The following CSGALNACT1 variants were observed in gnomAD, a reference collection of about 807,000 sequenced individuals.
CSGALNACT1 encodes the protein beta4GalNAcT-1.
In CSGALNACT1, 52 loss-of-function variants were observed where a neutral mutation model predicts 51.0. The observed-to-expected ratio is 1.02, with a 90% CI of 0.82 to 1.29. The LOEUF (loss-of-function observed/expected upper bound fraction) is 1.29. Ranked by LOEUF, CSGALNACT1 falls within the 50% of genes most tolerant of loss-of-function variation. The probability of loss-of-function intolerance (pLI) is 0.00; values close to 1 mark genes in which losing one functional copy is unlikely to be tolerated. For synonymous variants in CSGALNACT1, 341 were observed against 254.4 expected (o/e 1.34, Z -3.24); for missense variants, 935 against 679.2 (o/e 1.38, Z -4.19).
chr8:19,545,627 G>C (rs2086282374), intron 3 of CSGALNACT1, among the ~76,000 whole-genome samples: 1 of 151,924 alleles, frequency 6.6e-6, no homozygotes, highest in South Asian at 2.1e-4. Context: ...CAATGAATGA[G>C]TATGCTAAAA....
At chr8:19,485,877 C>T (rs2072802752) in intron 4 of CSGALNACT1, among the ~76,000 whole-genome samples, 1 of 143,962 alleles carries the variant, frequency 6.9e-6, no homozygotes, top group Non-Finnish European at 1.5e-5. Context: ...AGCAAATCTT[C>T]TGCCTCAACT....
intron 7 of CSGALNACT1, among the ~76,000 whole-genome samples, chr8:19,419,970 G>A (rs1284875834): frequency 6.6e-6 from 1 of 152,170 alleles, no homozygotes; most frequent in Non-Finnish European, 1.5e-5. Flanking sequence ...ACTCATGATA[G>A]TAAATAAGTC....
chr8:19,687,281 T>A (rs2061030284), upstream of CSGALNACT1, among the ~76,000 whole-genome samples: 1 of 152,050 alleles, frequency 6.6e-6, no homozygotes, highest in African/African-American at 2.4e-5. Context: ...AATCTCTATC[T>A]ATGATCACTT....
At chr8:19,429,363 T>G (rs749692137) in intron 6 of CSGALNACT1, among the ~76,000 whole-genome samples, 3 of 151,882 alleles carry the variant, frequency 2.0e-5, no homozygotes, top group Non-Finnish European at 4.4e-5. Flanking sequence ...TTTTAGTAGA[T>G]ATGGGGTTTC....
chr8:19,480,548 C>T (rs548356049), intron 4 of CSGALNACT1, among the ~76,000 whole-genome samples: 2 of 152,226 alleles, frequency 1.3e-5, no homozygotes, highest in African/African-American at 4.8e-5. Context: ...TCCATGTCTT[C>T]GCTGTTGTGA....
In CSGALNACT1 at chr8:19,591,621, A is replaced by T. The variant is rs17480440; in HGVS notation, c.-415-343T>A. 3.4e-3 allele frequency among the ~76,000 whole-genome samples: 517 copies of T among 152,320 alleles called. 2 individuals are homozygous for T. The highest frequency in any genetic ancestry group is 4.7e-3 in the Non-Finnish European group (323 of 68,026). On this transcript the variant is annotated intron_variant, in intron 2 of 9. Coordinates refer to ENST00000454498, the Ensembl canonical transcript of CSGALNACT1. ...CATTGTGGACTAGTAATTGACTGAT[A>T]GGGATAAAAAATAAGCATTTAGGCT... is the stretch of plus-strand genomic sequence containing the variant.
At chr8:19,563,873 G>A (rs1485370758) in intron 3 of CSGALNACT1, among the ~76,000 whole-genome samples, 2 of 151,882 alleles carry the variant, frequency 1.3e-5, no homozygotes, top group African/African-American at 4.8e-5. Context: ...CCTCCCCCAG[G>A]CATGTCCTCC....
At chr8:19,517,503 G>T (rs999477761) in intron 3 of CSGALNACT1, among the ~76,000 whole-genome samples, 1 of 152,122 alleles carries the variant, frequency 6.6e-6, no homozygotes, top group Non-Finnish European at 1.5e-5. Context: ...ACTGTGGAAG[G>T]CTCTCCTGCA....
At chr8:19,419,752 A>G (rs1314187251) in intron 7 of CSGALNACT1, among the ~76,000 whole-genome samples, 3 of 152,186 alleles carry the variant, frequency 2.0e-5, no homozygotes, top group African/African-American at 7.2e-5. Flanking sequence ...GGTTATGGAC[A>G]TGAACTTGGG....
At chr8:19,575,006 G>A (rs1053054513) in intron 3 of CSGALNACT1, among the ~76,000 whole-genome samples, 5 of 151,526 alleles carry the variant, frequency 3.3e-5, no homozygotes, top group Middle Eastern at 3.4e-3. Context: ...CTGCACTCCA[G>A]CCTGACAACA....
At chr8:19,619,468 C>T (rs1440204465) in intron 1 of CSGALNACT1, among the ~76,000 whole-genome samples, 1 of 151,968 alleles carries the variant, frequency 6.6e-6, no homozygotes, top group Non-Finnish European at 1.5e-5. Context: ...TTTAAATGCT[C>T]ATTCTGAGTC....
intron 1 of CSGALNACT1, among the ~76,000 whole-genome samples, chr8:19,641,219 T>C (rs2056708433): frequency 6.7e-6 from 1 of 150,284 alleles, no homozygotes; most frequent in Admixed American, 6.7e-5. Context: ...TTCAAGCTTT[T>C]CCAGGTACCA....
intron 1 of CSGALNACT1, among the ~76,000 whole-genome samples, chr8:19,668,073 CAG>C (rs765792382): frequency 6.6e-6 from 1 of 152,070 alleles, no homozygotes; most frequent in Non-Finnish European, 1.5e-5. Flanking sequence ...TTAACTTTTC[CAG>C]AGAGAGAAAT....
chr8:19,606,007 T>C (rs1280197644), upstream of CSGALNACT1, among the ~76,000 whole-genome samples: 1 of 152,202 alleles, frequency 6.6e-6, no homozygotes, highest in Non-Finnish European at 1.5e-5. Flanking sequence ...AAAATATCCA[T>C]CCAGCTGCCT....
intron 1 of CSGALNACT1, among the ~76,000 whole-genome samples, chr8:19,643,824 G>T (rs961472023): frequency 6.6e-6 from 1 of 152,216 alleles, no homozygotes; most frequent in African/African-American, 2.4e-5. Context: ...GCTTCCATCT[G>T]CTGCTGGCTG....
chr8:19,450,356 A>G (rs994273937), intron 5 of CSGALNACT1, among the ~76,000 whole-genome samples: 1 of 152,000 alleles, frequency 6.6e-6, no homozygotes, highest in African/African-American at 2.4e-5. Context: ...GGTTTAAGCC[A>G]ATATGTGACT....
intron 1 of CSGALNACT1, among the ~76,000 whole-genome samples, chr8:19,654,118 C>A (rs555064418): frequency 6.6e-6 from 1 of 152,328 alleles, no homozygotes; most frequent in African/African-American, 2.4e-5. Flanking sequence ...GAACTGACTG[C>A]TTTCAGAGTG....
intron 3 of CSGALNACT1, among the ~76,000 whole-genome samples, chr8:19,523,223 G>A (rs1203162999): frequency 6.6e-6 from 1 of 152,086 alleles, no homozygotes; most frequent in Non-Finnish European, 1.5e-5. Flanking sequence ...TAGGAAAGGT[G>A]GCATGTAAGA....
At chr8:19,740,309 A>T (rs2064232858) in intron 1 of CSGALNACT1, among the ~76,000 whole-genome samples, 1 of 152,202 alleles carries the variant, frequency 6.6e-6, no homozygotes, top group Non-Finnish European at 1.5e-5. Flanking sequence ...GTCACATGAC[A>T]GCCTGCCACA....
Sources: allele counts gnomAD v4.1 joint callset (sites outside exome capture counted in the v4.1 genomes callset), GRCh38; gene constraint gnomAD v4.1.1; transcripts MANE v1.5; gene names NCBI Gene and HGNC (gene_info 2026-07-23, HGNC 2026-07-21).